SEMA3E: variants seen among roughly 807,000 people sequenced by gnomAD.
The protein encoded by SEMA3E is semaphorin-3E.
SEMA3E carries 49 observed loss-of-function variants against 93.6 expected under a neutral mutation model. The ratio of observed to expected loss-of-function variants is 0.52; its 90% CI spans 0.42 to 0.66. The LOEUF (loss-of-function observed/expected upper bound fraction) is 0.66. SEMA3E is among the 30% of genes least tolerant of loss of function. SEMA3E has a pLI of 0.00. For synonymous variants in SEMA3E, 363 were observed against 330.7 expected (o/e 1.10, Z -1.06); for missense variants, 906 against 964.8 (o/e 0.94, Z 0.81).
intron 4 of SEMA3E, among the ~76,000 whole-genome samples, chr7:83,454,272 A>AAAAAAAT (rs1257792756): frequency 1.8e-5 from 2 of 110,134 alleles, no homozygotes; most frequent in African/African-American, 8.7e-5. Context: ...AAAAAAAAAA[A>AAAAAAAT]ATATATATAT....
chr7:83,563,398 C>G (rs560939595), intron 1 of SEMA3E, among the ~76,000 whole-genome samples: 2 of 152,292 alleles, frequency 1.3e-5, no homozygotes, highest in South Asian at 4.1e-4. Flanking sequence ...TTTTATTGTT[C>G]TGATGACCTT....
chr7:83,643,491 TA>T (rs1794040634), intron 1 of SEMA3E, among the ~76,000 whole-genome samples: 1 of 151,902 alleles, frequency 6.6e-6, no homozygotes, highest in Non-Finnish European at 1.5e-5. Flanking sequence ...CTCACCCTAT[TA>T]CCATACTAAA....
intron 1 of SEMA3E, among the ~76,000 whole-genome samples, chr7:83,607,948 G>A (rs903092684): frequency 5.3e-5 from 8 of 152,100 alleles, no homozygotes; most frequent in African/African-American, 1.4e-4. Flanking sequence ...TGGGTGTGGT[G>A]GCTCCCACCT....
At chr7:83,481,237 T>C (rs954342171) in intron 2 of SEMA3E, among the ~76,000 whole-genome samples, 3 of 152,142 alleles carry the variant, frequency 2.0e-5, no homozygotes, top group Admixed American at 2.0e-4. Context: ...ATTCTATCCA[T>C]ACAAGATCCT....
At chr7:83,543,112 A>G (rs1791572455) in intron 1 of SEMA3E, among the ~76,000 whole-genome samples, 1 of 152,048 alleles carries the variant, frequency 6.6e-6, no homozygotes, top group African/African-American at 2.4e-5. Flanking sequence ...AGTTCTTTTT[A>G]TTATAGTGTA....
At chr7:83,384,098 G>A (rs539589460) in intron 16 of SEMA3E, among the ~76,000 whole-genome samples, 1 of 151,876 alleles carries the variant, frequency 6.6e-6, no homozygotes, top group Non-Finnish European at 1.5e-5. Context: ...GTTAGGTTGA[G>A]GTGACTTTCT....
intron 4 of SEMA3E, among the ~76,000 whole-genome samples, chr7:83,439,283 A>C (rs1205066764): frequency 1.3e-5 from 2 of 152,192 alleles, no homozygotes; most frequent in Non-Finnish European, 2.9e-5. Context: ...AAGAAAACAT[A>C]AATCCACCAT....
At chr7:83,542,160 TAGTG>T (rs1791549437) in intron 1 of SEMA3E, among the ~76,000 whole-genome samples, 1 of 150,748 alleles carries the variant, frequency 6.6e-6, no homozygotes, top group South Asian at 2.1e-4. Context: ...CTGGGCAACA[TAGTG>T]AGAATCTGTC....
intron 4 of SEMA3E, among the ~76,000 whole-genome samples, chr7:83,450,345 C>T (rs773890847): frequency 6.6e-5 from 10 of 152,116 alleles, no homozygotes; most frequent in Non-Finnish European, 1.3e-4. Context: ...AATTACAGCA[C>T]AATTGCTATA....
chr7:83,625,861 T>C (rs1413472175), intron 1 of SEMA3E, among the ~76,000 whole-genome samples: 1 of 152,182 alleles, frequency 6.6e-6, no homozygotes, highest in Non-Finnish European at 1.5e-5. Flanking sequence ...ACAGCTCTTA[T>C]TATTTTGAGA....
intron 1 of SEMA3E, among the ~76,000 whole-genome samples, chr7:83,609,905 G>C (rs1354935079): frequency 6.6e-6 from 1 of 151,608 alleles, no homozygotes; most frequent in African/African-American, 2.4e-5. Context: ...ATTGTATATT[G>C]AATAATTATG....
At chr7:83,431,212 T>C in intron 4 of SEMA3E, among the ~76,000 whole-genome samples, 1 of 108,026 alleles carries the variant, frequency 9.3e-6, no homozygotes, top group East Asian at 6.0e-4. Context: ...TTTTAATGGT[T>C]GAATTATATT....
At chr7:83,521,706 T>A (rs1791052736) in intron 1 of SEMA3E, among the ~76,000 whole-genome samples, 1 of 152,070 alleles carries the variant, frequency 6.6e-6, no homozygotes, top group Non-Finnish European at 1.5e-5. Context: ...TCTGGTGTTG[T>A]CCTCATGGGG....
At chr7:83,552,407 G>A (rs1398099310) in intron 1 of SEMA3E, among the ~76,000 whole-genome samples, 2 of 152,124 alleles carry the variant, frequency 1.3e-5, no homozygotes, top group African/African-American at 4.8e-5. Context: ...TGTAAAGCAT[G>A]TGTGTTTGAA....
intron 16 of SEMA3E, among the ~76,000 whole-genome samples, chr7:83,373,337 C>A (rs994756013): frequency 6.6e-6 from 1 of 151,984 alleles, no homozygotes; most frequent in Non-Finnish European, 1.5e-5. Flanking sequence ...ATAGAGGAAA[C>A]AATTTATATA....
chr7:83,577,728 A>G (rs1792435261), intron 1 of SEMA3E, among the ~76,000 whole-genome samples: 1 of 152,186 alleles, frequency 6.6e-6, no homozygotes, highest in South Asian at 2.1e-4. Flanking sequence ...AAGCATTAAT[A>G]AAGGAGAATT....
intron 4 of SEMA3E, among the ~76,000 whole-genome samples, chr7:83,452,638 T>C (rs1246306958): frequency 1.3e-5 from 2 of 152,202 alleles, no homozygotes; most frequent in African/African-American, 4.8e-5. Context: ...AGCTTTCTTA[T>C]AATCATTTTC....
At chr7:83,631,259 C>T (rs552224523) in intron 1 of SEMA3E, among the ~76,000 whole-genome samples, 2 of 152,116 alleles carry the variant, frequency 1.3e-5, no homozygotes, top group South Asian at 2.1e-4. Flanking sequence ...CTTTCATTTA[C>T]TATAAGTCTG....
At chr7:83,545,422 C>T (rs1408768718) in intron 1 of SEMA3E, among the ~76,000 whole-genome samples, 1 of 151,872 alleles carries the variant, frequency 6.6e-6, no homozygotes, top group African/African-American at 2.4e-5. Context: ...CCCCCAATCC[C>T]CAAATACCTA....
Sources: allele counts gnomAD v4.1 joint callset (sites outside exome capture counted in the v4.1 genomes callset), GRCh38; gene constraint gnomAD v4.1.1; transcripts MANE v1.5; gene names NCBI Gene and HGNC (gene_info 2026-07-23, HGNC 2026-07-21).